PRMT8: variants seen among roughly 807,000 people sequenced by gnomAD.
PRMT8 encodes the protein protein arginine methyltransferase 8.
In PRMT8, 7 loss-of-function variants were observed where a neutral mutation model predicts 47.1. That is an observed-to-expected ratio of 0.15 (90% CI 0.08 to 0.28). PRMT8 has a LOEUF of 0.28. PRMT8 is among the 10% of genes least tolerant of loss of function. PRMT8 has a pLI of 1.00. For synonymous variants in PRMT8, 188 were observed against 186.5 expected (o/e 1.01, Z -0.07); for missense variants, 237 against 505.4 (o/e 0.47, Z 5.09).
chr12:3,580,712 GC>G lies in PRMT8; in HGVS notation c.829-2345del, dbSNP rs1419239650. ...GCCAGAAGTGAGATTGGAAGGCCAT[GC>G]TACACTGGTGACGGAGGGAACCAAG... is the stretch of plus-strand genomic sequence containing the variant. On this transcript the variant is annotated intron_variant, in intron 7 of 9. Coordinates refer to ENST00000382622, the MANE Select transcript of PRMT8 (RefSeq NM_019854.5). The surrounding 1 kb of genome is among the most constrained non-coding windows in gnomAD (Gnocchi z 4.6). 6.6e-6 allele frequency among the ~76,000 whole-genome samples: 1 copy of G among 152,142 alleles called. No individual in the cohort carries two copies. Among genetic ancestry groups the G allele is most frequent in the Admixed American group, 6.5e-5 (1 of 15,274 alleles).
chr12:3,417,047 C>T (rs1287733837), intron 1 of PRMT8, among the ~76,000 whole-genome samples: 1 of 152,220 alleles, frequency 6.6e-6, no homozygotes, highest in Non-Finnish European at 1.5e-5. Context: ...AACTATTATA[C>T]TGATCTGAAG....
At chr12:3,450,896 A>G (rs778170780) in intron 1 of PRMT8, among the ~76,000 whole-genome samples, 1 of 152,236 alleles carries the variant, frequency 6.6e-6, no homozygotes, top group Non-Finnish European at 1.5e-5. Context: ...GACTAGAAAC[A>G]CAAGTACTGC....
intron 1 of PRMT8, among the ~76,000 whole-genome samples, chr12:3,512,181 T>C (rs1865723757): frequency 1.3e-5 from 2 of 152,206 alleles, no homozygotes; most frequent in Non-Finnish European, 2.9e-5. Flanking sequence ...CTGTTGCTTG[T>C]TGCGTTTGAC....
chr12:3,573,031 C>T (rs907804810), intron 6 of PRMT8, among the ~76,000 whole-genome samples: 2 of 152,106 alleles, frequency 1.3e-5, no homozygotes, highest in South Asian at 2.1e-4. Flanking sequence ...TGGATTGTTT[C>T]GTTAGTTTAG....
chr12:3,443,281 A>C (rs1429595053), intron 1 of PRMT8, among the ~76,000 whole-genome samples: 1 of 152,208 alleles, frequency 6.6e-6, no homozygotes, highest in East Asian at 1.9e-4. Flanking sequence ...AAACTTTATA[A>C]GCTATTAATA....
chr12:3,427,295 T>C (rs1173699119), intron 1 of PRMT8, among the ~76,000 whole-genome samples: 1 of 152,234 alleles, frequency 6.6e-6, no homozygotes, highest in Non-Finnish European at 1.5e-5. Flanking sequence ...AAAATTTTTA[T>C]AGACTCTTTT....
chr12:3,491,205 T>TCGGTGG lies in PRMT8; in HGVS notation c.-421_-420insCGGTGG. ...GAGAGACGCGCAGGAAGCGTGTTGC[T>TCGGTGG]TCGCCCAGCGGATCGGCAGAAGTTG... is the stretch of plus-strand genomic sequence containing the variant. On this transcript the variant is annotated 5_prime_UTR_variant, in exon 1 of 10. Transcript: ENST00000382622. 2 of 996,150 alleles carry TCGGTGG rather than the reference T, an allele frequency of 2.0e-6. No individual in the cohort carries two copies. The highest frequency in any genetic ancestry group is 2.4e-6 in the Non-Finnish European group (2 of 837,012). 61.7% of individuals were successfully genotyped at this position (996,150 alleles called of 1,614,324 possible). A position where few individuals can be genotyped will look rare whatever the true frequency, so the allele number is the denominator to read the frequency against.
intron 1 of PRMT8, among the ~76,000 whole-genome samples, chr12:3,537,596 A>G (rs934002239): frequency 2.0e-4 from 31 of 152,034 alleles, no homozygotes; most frequent in Admixed American, 8.5e-4. Context: ...GAAATTCATT[A>G]TTTCCCCCCA....
chr12:3,486,472 T>A (rs1052815246), upstream of PRMT8, among the ~76,000 whole-genome samples: 4 of 152,172 alleles, frequency 2.6e-5, no homozygotes, highest in African/African-American at 9.7e-5. Flanking sequence ...TGGCCCATAG[T>A]CATATAAAGT....
chr12:3,593,736 G>A lies in PRMT8; in HGVS notation c.*554G>A, dbSNP rs569631441. 232 of 158,416 alleles carry A rather than the reference G, an allele frequency of 1.5e-3. 1 individual carries two copies. Among genetic ancestry groups the A allele is most frequent in the Middle Eastern group, 6.2e-3 (2 of 324 alleles). The allele number at this position is 158,416 out of a possible 1,614,324, so 9.8% of individuals were successfully genotyped here. A position where few individuals can be genotyped will look rare whatever the true frequency, so the allele number is the denominator to read the frequency against. On this transcript the variant is annotated 3_prime_UTR_variant, in exon 10 of 10. Transcript: ENST00000382622. The surrounding 1 kb of genome is among the most constrained non-coding windows in gnomAD (Gnocchi z 4.8). ...GGTGTTCTCTCAGAGGGGTGTGTGT[G>A]TGTGTGCGTGCGCGTGTGCCTAGAA...
intron 1 of PRMT8, among the ~76,000 whole-genome samples, chr12:3,398,749 A>G (rs1864288486): frequency 6.6e-6 from 1 of 152,204 alleles, no homozygotes; most frequent in Non-Finnish European, 1.5e-5. Flanking sequence ...CCTGGGTGGC[A>G]TGTAGCTCCA....
intron 4 of PRMT8, among the ~76,000 whole-genome samples, chr12:3,565,858 A>G (rs1160946655): frequency 1.3e-5 from 2 of 152,148 alleles, no homozygotes; most frequent in Non-Finnish European, 2.9e-5. Context: ...TTGATGATGG[A>G]TTACTCCTTG....
chr12:3,403,522 A>C (rs1864340136), intron 1 of PRMT8, among the ~76,000 whole-genome samples: 1 of 151,980 alleles, frequency 6.6e-6, no homozygotes. Flanking sequence ...AATTTCTCTG[A>C]AAAAAATACA....
intron 2 of PRMT8, among the ~76,000 whole-genome samples, chr12:3,548,809 C>G (rs191153230): frequency 8.6e-4 from 131 of 152,216 alleles, no homozygotes; most frequent in Non-Finnish European, 1.7e-3. Context: ...TACCCTAAGA[C>G]CCAGGAAACT....
At chr12:3,512,219 A>C (rs1348865998) in intron 1 of PRMT8, among the ~76,000 whole-genome samples, 1 of 151,956 alleles carries the variant, frequency 6.6e-6, no homozygotes, top group Admixed American at 6.6e-5. Context: ...GTGGGCTTCT[A>C]AGCTCTGCTT....
chr12:3,384,909 C>A (rs1460484076), intron 1 of PRMT8, among the ~76,000 whole-genome samples: 1 of 146,946 alleles, frequency 6.8e-6, no homozygotes, highest in Non-Finnish European at 1.5e-5. Flanking sequence ...GTGGAGCCCT[C>A]CAGTCATGGA....
At chr12:3,470,601 G>A (rs1477798929) in intron 1 of PRMT8, among the ~76,000 whole-genome samples, 1 of 151,984 alleles carries the variant, frequency 6.6e-6, no homozygotes, top group African/African-American at 2.4e-5. Context: ...TGGGGCAGGT[G>A]TGGGGAAACC....
chr12:3,453,180 C>G lies in PRMT8; in HGVS notation c.48+71738C>G, dbSNP rs1046384750. ...AAGAGTGGCCTGTGATGGAAAAGGCCAGCAAGAACCATGGAAGCTGCTGAA... is the reference window on the plus strand; with the variant it reads ...AAGAGTGGCCTGTGATGGAAAAGGCGAGCAAGAACCATGGAAGCTGCTGAA... On this transcript the variant is annotated intron_variant, in intron 1 of 9. Transcript: ENST00000452611. This position sits in a 1 kb window ranked among gnomAD's most constrained non-coding sequence, Gnocchi z 4.9. Among the ~76,000 whole-genome samples, 10 of 152,146 alleles carry G rather than the reference C, an allele frequency of 6.6e-5. No individual in the cohort carries two copies. The highest frequency in any genetic ancestry group is 6.5e-4 in the Admixed American group (10 of 15,278).
At chr12:3,568,032 A>G (rs995492214) in intron 4 of PRMT8, among the ~76,000 whole-genome samples, 3 of 151,568 alleles carry the variant, frequency 2.0e-5, no homozygotes, top group Non-Finnish European at 2.9e-5. Context: ...AGATCACGCC[A>G]CTGCACTCCA....
Sources: gnomAD v4.1 joint callset for allele counts (sites outside exome capture counted in the v4.1 genomes callset) on GRCh38, gnomAD v4.1.1 for gene constraint, Gnocchi (gnomAD v3.1) non-coding constraint, MANE v1.5 for transcripts, NCBI Gene and HGNC (gene_info 2026-07-23, HGNC 2026-07-21) for gene names.